PPFIA2: variants seen among roughly 807,000 people sequenced by gnomAD.
PPFIA2 encodes the protein liprin-alpha-2.
A neutral mutation model predicts 175.5 loss-of-function variants in PPFIA2; 46 were observed. The observed-to-expected ratio is 0.26, with a 90% CI of 0.21 to 0.34. PPFIA2 has a LOEUF of 0.34. Among genes scored for constraint, PPFIA2 ranks in the 10% least tolerant of loss-of-function variants. The probability of loss-of-function intolerance (pLI) is 1.00; values close to 1 mark genes in which losing one functional copy is unlikely to be tolerated. For missense variants in PPFIA2, 1,179 were observed against 1,506.1 expected (o/e 0.78, Z 3.60); for synonymous variants, 568 against 511.4 (o/e 1.11, Z -1.49).
chr12:81,358,303 A>C (rs2141102873), intron 15 of PPFIA2, 86 bp from the exon 16 acceptor site: 4 of 1,267,032 alleles, frequency 3.2e-6, no homozygotes, highest in Middle Eastern at 2.5e-4. Flanking sequence ...ACTGGCAATA[A>C]AGCAGAAATC....
At chr12:81,367,474 A>G (rs2141405933) in intron 13 of PPFIA2, among the ~76,000 whole-genome samples, 1 of 151,826 alleles carries the variant, frequency 6.6e-6, no homozygotes, top group Admixed American at 6.6e-5. Flanking sequence ...ATCAGAAACT[A>G]TTGGTTATTC....
In PPFIA2 at chr12:81,281,415, A is replaced by T. The variant is rs754877473; in HGVS notation, c.3054T>A (p.Asp1018Glu). 1 of 1,611,492 alleles carries T rather than the reference A, an allele frequency of 6.2e-7. No homozygotes were observed. The highest frequency in any genetic ancestry group is 8.5e-7 in the Non-Finnish European group (1 of 1,178,150). The change falls in exon 27 of 33, where the codon GAT (aspartate) becomes GAA (glutamate). Residue 1018 changes from aspartate (D) to glutamate (E), a missense_variant. This residue lies in a region of PPFIA2 where 245 missense variants were observed against 375.1 expected (regional missense o/e 0.65). Transcript: ENST00000549396. ...PVFLQTLAYG[D>E]MNHEWIGNEW... Reference sequence around the variant, plus strand: ...CATTTCCAATCCACTCATGATTCATATCTCCATAAGCCAGGGTCTGTAGAA... The same window carrying T: ...CATTTCCAATCCACTCATGATTCATTTCTCCATAAGCCAGGGTCTGTAGAA...
intron 4 of PPFIA2, among the ~76,000 whole-genome samples, chr12:81,530,763 A>AC (rs969985965): frequency 2.3e-5 from 3 of 128,776 alleles, no homozygotes; most frequent in African/African-American, 6.8e-5. Flanking sequence ...AAAAAAAAAA[A>AC]CACATTATAT....
At chr12:81,456,866 G>A (rs907250513) in intron 5 of PPFIA2, among the ~76,000 whole-genome samples, 2 of 151,916 alleles carry the variant, frequency 1.3e-5, no homozygotes, top group Non-Finnish European at 2.9e-5. Flanking sequence ...AATTCCATGA[G>A]TTTCATGAAA....
intron 8 of PPFIA2, among the ~76,000 whole-genome samples, chr12:81,401,724 T>C (rs2042122093): frequency 6.6e-6 from 1 of 152,174 alleles, no homozygotes; most frequent in Non-Finnish European, 1.5e-5. Flanking sequence ...GTAATGAGCA[T>C]TATTATAAAC....
At chr12:81,608,212 AT>A (rs1345334376) in intron 4 of PPFIA2, among the ~76,000 whole-genome samples, 3 of 151,928 alleles carry the variant, frequency 2.0e-5, no homozygotes, top group African/African-American at 7.3e-5. Flanking sequence ...TCTGTTGAGG[AT>A]TTTTGCAACT....
chr12:81,665,041 G>A (rs2069857060), intron 4 of PPFIA2, among the ~76,000 whole-genome samples: 1 of 151,638 alleles, frequency 6.6e-6, no homozygotes, highest in African/African-American at 2.4e-5. Context: ...CTGTTGTCGG[G>A]TGGGGGCAGG....
intron 4 of PPFIA2, among the ~76,000 whole-genome samples, chr12:81,624,892 A>T (rs529014043): frequency 4.0e-5 from 6 of 151,446 alleles, no homozygotes; most frequent in African/African-American, 1.4e-4. Flanking sequence ...CTACTCGGGG[A>T]ACAGGCACAC....
chr12:81,684,608 A>G (rs1567855665), intron 3 of PPFIA2, among the ~76,000 whole-genome samples: 2 of 152,172 alleles, frequency 1.3e-5, no homozygotes, highest in Admixed American at 6.6e-5. Context: ...AGCATGGCTG[A>G]AAGCAATAAT....
At chr12:81,517,724 C>G (rs1269965517) in intron 4 of PPFIA2, among the ~76,000 whole-genome samples, 1 of 152,110 alleles carries the variant, frequency 6.6e-6, no homozygotes, top group African/African-American at 2.4e-5. Context: ...AGCACCAAGC[C>G]ACTATACTCA....
intron 4 of PPFIA2, among the ~76,000 whole-genome samples, chr12:81,585,192 G>A (rs2075137331): frequency 6.7e-6 from 1 of 149,124 alleles, no homozygotes; most frequent in African/African-American, 2.5e-5. Flanking sequence ...AAATTGCTCT[G>A]GGTGAATTGG....
At chr12:81,471,577 G>A (rs2056741345) in intron 4 of PPFIA2, among the ~76,000 whole-genome samples, 1 of 151,114 alleles carries the variant, frequency 6.6e-6, no homozygotes, top group Non-Finnish European at 1.5e-5. Flanking sequence ...TAATTTCTTG[G>A]TTATTCTGAA....
chr12:81,638,624 C>T (rs2153511059), intron 4 of PPFIA2, among the ~76,000 whole-genome samples: 1 of 150,326 alleles, frequency 6.7e-6, no homozygotes, highest in East Asian at 1.9e-4. Flanking sequence ...GGGTTCTGTA[C>T]CTAGTATGGT....
intron 4 of PPFIA2, among the ~76,000 whole-genome samples, chr12:81,568,511 G>A (rs1367215575): frequency 6.6e-6 from 1 of 152,108 alleles, no homozygotes; most frequent in Non-Finnish European, 1.5e-5. Flanking sequence ...CTTTACTGCT[G>A]GGTTAAGTTG....
Position 81,391,635 on chromosome 12 carries a change from G to C in PPFIA2, c.763-7391C>G, listed in dbSNP as rs538533755. ...TTTGTTCAATATCCTCACAGCTAGG[G>C]TTGCCAGATGAAATATAGGATGTAC... On this transcript the variant is annotated intron_variant, in intron 8 of 32. Coordinates refer to ENST00000549396, the MANE Select transcript of PPFIA2 (RefSeq NM_003625.5). 6.5e-4 allele frequency among the ~76,000 whole-genome samples: 99 copies of C among 151,942 alleles called. 1 individual carries two copies. The highest frequency in any genetic ancestry group is 2.3e-3 in the African/African-American group (94 of 41,496).
chr12:81,741,850 G>C (rs763156591), intron 3 of PPFIA2, among the ~76,000 whole-genome samples: 1 of 152,160 alleles, frequency 6.6e-6, no homozygotes. Context: ...AAGTGCTTTG[G>C]AGGAAAAGTA....
At chr12:81,446,006 G>A (rs2051177630) in intron 5 of PPFIA2, among the ~76,000 whole-genome samples, 1 of 152,166 alleles carries the variant, frequency 6.6e-6, no homozygotes, top group African/African-American at 2.4e-5. Flanking sequence ...GAATTCAGCA[G>A]AAATAGAACA....
Position 81,642,793 on chromosome 12 carries a change from G to GTATGTATTATATACA in PPFIA2, c.303+33997_303+33998insTGTATATAATACATA, listed in dbSNP as rs1567690054. ...GTATGTATGTATTATATACATACAT[G>GTATGTATTATATACA]TATATGTATGTATGTATTACATACA... On this transcript the variant is annotated intron_variant, in intron 4 of 32. Transcript: ENST00000549396. 5.8e-5 allele frequency among the ~76,000 whole-genome samples: 2 copies of GTATGTATTATATACA among 34,234 alleles called. 1 individual carries two copies. Among genetic ancestry groups the GTATGTATTATATACA allele is most frequent in the Non-Finnish European group, 1.1e-4 (2 of 18,396 alleles). The allele number at this position is 34,234 out of a possible 152,430, so 22.5% of individuals were successfully genotyped here.
At position 81,435,990 on chromosome 12, in the gene PPFIA2, A is replaced by T. The variant is rs78372420; in HGVS notation, c.645+3982T>A. 8.9e-3 allele frequency among the ~76,000 whole-genome samples: 1,358 copies of T among 152,092 alleles called. 24 individuals carry two copies. Among genetic ancestry groups the T allele is most frequent in the African/African-American group, 0.031 (1,268 of 41,474 alleles). On this transcript the variant is annotated intron_variant, in intron 7 of 32. Coordinates refer to ENST00000549396, the MANE Select transcript of PPFIA2 (RefSeq NM_003625.5). ...CATTTTAAATTTAATTTAAAATCTG[A>T]AACGTTGCTGGGTGAGGTGGCTCAT...
Sources: gnomAD v4.1 joint callset for allele counts (sites outside exome capture counted in the v4.1 genomes callset) on GRCh38, gnomAD v4.1.1 for gene constraint, gnomAD v4.1.1 regional missense constraint, MANE v1.5 for transcripts, NCBI Gene and HGNC (gene_info 2026-07-23, HGNC 2026-07-21) for gene names.